Variants in RBBP7 observed in about 807,000 individuals in gnomAD.
RBBP7 encodes the protein RB binding protein 7, chromatin remodeling factor.
Under a neutral mutation model 35.2 loss-of-function variants are expected in RBBP7, and 5 were observed. That is an observed-to-expected ratio of 0.14 (90% CI 0.07 to 0.30). RBBP7 has a LOEUF of 0.30. Ranked by LOEUF, RBBP7 falls within the 10% of genes least tolerant of loss-of-function variation. The pLI is 1.00. For synonymous variants in RBBP7, 140 were observed against 118.7 expected (o/e 1.18, Z -1.17); for missense variants, 155 against 327.5 (o/e 0.47, Z 4.07).
chrX:16,852,925 A>G (rs1004021717), intron 6 of RBBP7, 50 bp from the exon 7 acceptor site: 4 of 1,206,375 alleles, frequency 3.3e-6, no homozygotes, highest in Non-Finnish European at 4.5e-6. Context: ...ACACACTCAC[A>G]TTCGGCCTCA....
chrX:16,848,271 A>T (rs1405924904), intron 10 of RBBP7: 2 of 111,618 alleles, frequency 1.8e-5, no homozygotes, highest in Non-Finnish European at 3.8e-5. Flanking sequence ...CTTCAAGAAC[A>T]AAAAAAGAAA....
chrX:16,862,903 G>A, intron 3 of RBBP7, 52 bp downstream of exon 3: 2 of 1,158,588 alleles, frequency 1.7e-6, no homozygotes, highest in Admixed American at 2.2e-5. Flanking sequence ...CATATGCTTT[G>A]AAAGAGACAT....
chrX:16,853,377 C>CT (rs1462392120), intron 6 of RBBP7: 8 of 192,687 alleles, frequency 4.2e-5, no homozygotes, highest in African/African-American at 1.2e-4. Flanking sequence ...ACCTAGTTTT[C>CT]TTTTTTTCTA....
At chrX:16,856,292 G>A (rs1355421006) in intron 5 of RBBP7, among the ~76,000 whole-genome samples, 1 of 111,290 alleles carries the variant, frequency 9.0e-6, no homozygotes, top group African/African-American at 3.3e-5. Context: ...CACTTTGGGA[G>A]GCCAAGGCAG....
chrX:16,864,954 C>T (rs1362958799), intron 2 of RBBP7, among the ~76,000 whole-genome samples: 1 of 104,314 alleles, frequency 9.6e-6, no homozygotes, highest in Non-Finnish European at 1.9e-5. Flanking sequence ...AAAGGGTAAG[C>T]CAGGTGCAGT....
chrX:16,869,726 C>T, intron 1 of RBBP7: 2 of 979,291 alleles, frequency 2.0e-6, no homozygotes, highest in Non-Finnish European at 2.6e-6. Context: ...AGAGCCGCGG[C>T]GCTCGCTTCC....
At chrX:16,856,019 A>G (rs1230902340) in intron 5 of RBBP7, among the ~76,000 whole-genome samples, 3 of 106,930 alleles carry the variant, frequency 2.8e-5, no homozygotes, top group African/African-American at 1.0e-4. Flanking sequence ...AAAAAAAAAA[A>G]AAAGTGAAAA....
chrX:16,849,306 A>T lies in RBBP7; in HGVS notation c.1041-5T>A. Reference sequence around the variant, plus strand: ...GATTGTTCTTCCCCAATTTTACTGTAAGAATAAAGAATATAACGCTTTCAT... The same window carrying T: ...GATTGTTCTTCCCCAATTTTACTGTTAGAATAAAGAATATAACGCTTTCAT... On this transcript the variant is annotated splice_region_variant and splice_polypyrimidine_tract_variant and intron_variant, in intron 9 of 11. Transcript: ENST00000380087. The T allele has an allele frequency of 3.3e-6, 4 of 1,201,841 alleles. No homozygotes were observed. The highest frequency in any genetic ancestry group is 4.5e-6 in the Non-Finnish European group (4 of 887,741).
chrX:16,845,130 G>T, intron 11 of RBBP7, 27 bp from the exon 12 acceptor site: 1 of 1,066,805 alleles, frequency 9.4e-7, no homozygotes, highest in Non-Finnish European at 1.3e-6. Flanking sequence ...AAATTCACAG[G>T]TAAAAACTCC....
intron 2 of RBBP7, among the ~76,000 whole-genome samples, chrX:16,863,506 A>T (rs1166110236): frequency 8.9e-6 from 1 of 112,024 alleles, no homozygotes; most frequent in East Asian, 2.8e-4. Flanking sequence ...CCCACCTAAA[A>T]ATATCTTATA....
At chrX:16,849,183 A>C (rs745663901) in intron 10 of RBBP7, 61 bp downstream of exon 10, 7 of 1,081,191 alleles carry the variant, frequency 6.5e-6, no homozygotes, top group Non-Finnish European at 8.9e-6. Context: ...TCTCGAAATA[A>C]AGAGATCAAT....
At chrX:16,852,506 G>A (rs370101561) in intron 8 of RBBP7, 45 bp downstream of exon 8, 102 of 1,169,892 alleles carry the variant, frequency 8.7e-5, no homozygotes, top group Non-Finnish European at 1.2e-4. Flanking sequence ...ATGAATCCCT[G>A]GATTTCATTT....
intron 2 of RBBP7, 28 bp from the exon 3 acceptor site, chrX:16,863,128 T>C: frequency 8.5e-7 from 1 of 1,182,457 alleles, no homozygotes; most frequent in Non-Finnish European, 1.1e-6. Context: ...TAAGTCACAC[T>C]AATCCTACAA....
intron 5 of RBBP7, among the ~76,000 whole-genome samples, chrX:16,855,053 CTTT>C (rs66524293): frequency 1.2e-5 from 1 of 86,869 alleles, no homozygotes; most frequent in African/African-American, 4.4e-5. Context: ...ATTAAATCAC[CTTT>C]TTTTTTTTTT....
chrX:16,860,813 G>A (rs1930457529), intron 3 of RBBP7, among the ~76,000 whole-genome samples: 2 of 111,423 alleles, frequency 1.8e-5, no homozygotes, highest in African/African-American at 3.3e-5. Flanking sequence ...ATTATGCAGA[G>A]ACTGTTAAAC....
chrX:16,854,713 C>G (rs763483025), intron 5 of RBBP7, among the ~76,000 whole-genome samples: 1 of 109,286 alleles, frequency 9.2e-6, no homozygotes, highest in South Asian at 4.0e-4. Flanking sequence ...CGCCCACAGA[C>G]AGATCCCCAA....
At position 16,861,705 on chromosome X, in the gene RBBP7, C is replaced by A. The variant is rs911906768; in HGVS notation, c.307+1250G>T. Reference sequence around the variant, plus strand: ...GGCACATATTAGAAAGTGCTAATAGCGTTAAGCCATTTGGGACTGTGAAGA... The same window carrying A: ...GGCACATATTAGAAAGTGCTAATAGAGTTAAGCCATTTGGGACTGTGAAGA... On this transcript the variant is annotated intron_variant, in intron 3 of 11. Transcript: ENST00000380087. Among the ~76,000 whole-genome samples, 5 of 111,363 alleles carry A rather than the reference C, an allele frequency of 4.5e-5. No individual in the cohort carries two copies. In the East Asian group the frequency reaches 1.4e-3, roughly 31 times the overall value.
At position 16,860,708 on chromosome X, in the gene RBBP7, T is replaced by A. The variant is rs1324800369; in HGVS notation, c.308-1859A>T. 2.2e-4 allele frequency among the ~76,000 whole-genome samples: 23 copies of A among 103,925 alleles called. 1 individual carries two copies. In the South Asian group the frequency reaches 7.8e-3, roughly 35 times the overall value. The allele number at this position is 103,925 out of a possible 115,157, so 90.2% of individuals were successfully genotyped here. A position where few individuals can be genotyped will look rare whatever the true frequency, so the allele number is the denominator to read the frequency against. On this transcript the variant is annotated intron_variant, in intron 3 of 11. Transcript: ENST00000380087. ...AAGAAAAAAAAAAAGAAAAAAAAAA[T>A]ATATATACTGAATATTAACAAAGGT...
intron 9 of RBBP7, among the ~76,000 whole-genome samples, chrX:16,850,441 T>C (rs1930185353): frequency 8.8e-6 from 1 of 113,062 alleles, no homozygotes; most frequent in South Asian, 3.6e-4. Flanking sequence ...GCAATTCAGT[T>C]GCCAGGGCAT....
Sources: gnomAD v4.1 joint callset for allele counts (sites outside exome capture counted in the v4.1 genomes callset) on GRCh38, gnomAD v4.1.1 for gene constraint, MANE v1.5 for transcripts, NCBI Gene and HGNC (gene_info 2026-07-23, HGNC 2026-07-21) for gene names.